ZNF407: variants seen among roughly 807,000 people sequenced by gnomAD.
The protein encoded by ZNF407 is zinc finger protein 407.
ZNF407 carries 17 observed loss-of-function variants against 131.2 expected under a neutral mutation model. The ratio of observed to expected loss-of-function variants is 0.13; its 90% CI spans 0.09 to 0.19. ZNF407 has a LOEUF of 0.19. ZNF407 is among the 10% of genes least tolerant of loss of function. ZNF407 has a pLI of 1.00. For synonymous variants in ZNF407, 1,156 were observed against 1,062.0 expected (o/e 1.09, Z -1.72); for missense variants, 2,681 against 2,830.6 (o/e 0.95, Z 1.20).
chr18:74,844,933 A>G (rs745527108), intron 4 of ZNF407, among the ~76,000 whole-genome samples: 4 of 152,214 alleles, frequency 2.6e-5, no homozygotes, highest in Non-Finnish European at 5.9e-5. Context: ...TAGGCATCCA[A>G]CTAATGATTG....
intron 4 of ZNF407, among the ~76,000 whole-genome samples, chr18:74,840,837 T>A (rs905751262): frequency 6.6e-6 from 1 of 152,230 alleles, no homozygotes; most frequent in African/African-American, 2.4e-5. Context: ...ACTACAATCA[T>A]CTGTTTGAAT....
At chr18:74,922,484 A>T (rs1971859225) in intron 8 of ZNF407, among the ~76,000 whole-genome samples, 1 of 152,166 alleles carries the variant, frequency 6.6e-6, no homozygotes, top group South Asian at 2.1e-4. Context: ...CTTATCTTTA[A>T]AAAAAAGAAG....
chr18:74,928,193 G>A (rs769606299), intron 8 of ZNF407, among the ~76,000 whole-genome samples: 29 of 152,148 alleles, frequency 1.9e-4, no homozygotes, highest in Non-Finnish European at 4.1e-4. Context: ...CATTTGTTCA[G>A]CCCAAAAAGG....
chr18:74,696,937 A>G (rs1265835717), intron 3 of ZNF407, among the ~76,000 whole-genome samples: 1 of 152,210 alleles, frequency 6.6e-6, no homozygotes, highest in East Asian at 1.9e-4. Context: ...ACAAATAAAA[A>G]CACAGTTAGA....
At chr18:74,636,749 C>T (rs890245095) in intron 2 of ZNF407, among the ~76,000 whole-genome samples, 3 of 152,154 alleles carry the variant, frequency 2.0e-5, no homozygotes, top group African/African-American at 7.2e-5. Context: ...ATGGGGCAAC[C>T]TGCATAAGAT....
chr18:75,064,460 G>A lies in ZNF407; in HGVS notation c.6739G>A (p.Glu2247Lys). 3 of 1,486,220 alleles carry A rather than the reference G, an allele frequency of 2.0e-6. No individual in the cohort carries two copies. The highest frequency in any genetic ancestry group is 2.7e-6 in the Non-Finnish European group (3 of 1,115,282). The allele number at this position is 1,486,220 out of a possible 1,614,324, so 92.1% of individuals were successfully genotyped here. The change falls in exon 9 of 9, where the codon GAA becomes AAA. Residue 2247 changes from glutamate to lysine, a missense_variant. Physicochemically the swap from Glu to Lys is moderately conservative, Grantham distance 56 (BLOSUM62 1). Around this residue, in one of 6 missense-constraint regions of ZNF407, gnomAD observed 620 missense variants for 583.1 expected, o/e 1.06. Transcript: ENST00000299687. ...CCAAAGAGAAAGCAGCGAACTCCAG[G>A]AAGCATGAGACGCGCGGCACCTTTA... The part of the protein sequence containing the change: ...QSQRESSELQ[E>K]A
intron 4 of ZNF407, among the ~76,000 whole-genome samples, chr18:74,796,537 G>T (rs1195522467): frequency 6.6e-6 from 1 of 152,154 alleles, no homozygotes; most frequent in East Asian, 1.9e-4. Context: ...CAAAATGGTG[G>T]GGAATGTTCC....
intron 4 of ZNF407, among the ~76,000 whole-genome samples, chr18:74,832,177 TGA>T (rs2145119246): frequency 6.6e-6 from 1 of 152,300 alleles, no homozygotes; most frequent in Admixed American, 6.5e-5. Flanking sequence ...ACGAAGATGT[TGA>T]GGCTCCAAGA....
intron 8 of ZNF407, among the ~76,000 whole-genome samples, chr18:74,996,811 A>T (rs1286815184): frequency 2.6e-5 from 4 of 152,240 alleles, no homozygotes; most frequent in African/African-American, 9.6e-5. Flanking sequence ...AATGAATTGA[A>T]TTGTCTGCCT....
At chr18:74,693,801 ATT>A (rs1228064402) in intron 3 of ZNF407, among the ~76,000 whole-genome samples, 26 of 151,620 alleles carry the variant, frequency 1.7e-4, no homozygotes, top group Middle Eastern at 3.4e-3. Flanking sequence ...ATTTCTTCAG[ATT>A]TTTTTCTGTT....
At chr18:74,719,548 C>T (rs1271949534) in intron 3 of ZNF407, among the ~76,000 whole-genome samples, 1 of 152,116 alleles carries the variant, frequency 6.6e-6, no homozygotes, top group Non-Finnish European at 1.5e-5. Context: ...CACAGGCACC[C>T]GCCACCACGC....
chr18:74,760,477 T>G (rs1568202395), intron 3 of ZNF407, among the ~76,000 whole-genome samples: 1 of 152,210 alleles, frequency 6.6e-6, no homozygotes, highest in Non-Finnish European at 1.5e-5. Flanking sequence ...TTTTTCCTTT[T>G]AAGTTTTTTG....
chr18:74,999,953 T>TATCATGTAATCTTAGAAA (rs1261779273), intron 8 of ZNF407, among the ~76,000 whole-genome samples: 2 of 152,206 alleles, frequency 1.3e-5, no homozygotes, highest in African/African-American at 4.8e-5. Flanking sequence ...ATAAATAGAA[T>TATCATGTAATCTTAGAAA]ATCATGTAAT....
At chr18:74,770,027 A>C (rs1251478811) in intron 3 of ZNF407, among the ~76,000 whole-genome samples, 2 of 152,098 alleles carry the variant, frequency 1.3e-5, no homozygotes, top group Admixed American at 6.6e-5. Context: ...TGGGGGCTTA[A>C]TGGATATGCA....
At chr18:74,641,713 A>G (rs1485893198) in intron 3 of ZNF407, among the ~76,000 whole-genome samples, 4 of 152,198 alleles carry the variant, frequency 2.6e-5, no homozygotes, top group African/African-American at 9.6e-5. Context: ...TTTAACTGTT[A>G]TTCAAATGTG....
chr18:74,757,147 T>C (rs1220292931), intron 3 of ZNF407, among the ~76,000 whole-genome samples: 1 of 152,074 alleles, frequency 6.6e-6, no homozygotes, highest in Admixed American at 6.5e-5. Context: ...TTTGCTTTTC[T>C]AGTTTTAGTT....
rs1453199652 is a variant in ZNF407 at position 75,063,599 on chromosome 18, G to C, written c.5878G>C (p.Gly1960Arg). The C allele has an allele frequency of 4.4e-6, 7 of 1,573,338 alleles. No individual in the cohort carries two copies. The highest frequency in any genetic ancestry group is 6.0e-6 in the Non-Finnish European group (7 of 1,160,970). ...GHGMDESLSP[G>R]GAVIQQVTKQ... is the part of the protein sequence containing the mutation. ...CGGCATGGATGAGTCCCTCAGTCCA[G>C]GTGGCGCTGTGATACAACAGGTGAC... Residue 1960 changes from glycine (G) to arginine (R), a missense_variant, in exon 9 of 9, where the codon GGT becomes CGT. Transcript: ENST00000299687. The surrounding 1 kb of genome is among the most constrained non-coding windows in gnomAD (Gnocchi z 6.6).
intron 8 of ZNF407, among the ~76,000 whole-genome samples, chr18:75,002,761 C>T (rs575996494): frequency 1.1e-4 from 17 of 148,476 alleles, no homozygotes; most frequent in South Asian, 6.4e-4. Context: ...GCCGAGATCG[C>T]GCCACTGCAC....
chr18:74,816,082 C>T (rs1031155274), intron 4 of ZNF407, among the ~76,000 whole-genome samples: 17 of 152,244 alleles, frequency 1.1e-4, no homozygotes, highest in African/African-American at 4.1e-4. Flanking sequence ...ACTGAATGTA[C>T]AGGATACTCT....
Sources: gnomAD v4.1 joint callset for allele counts (sites outside exome capture counted in the v4.1 genomes callset) on GRCh38, gnomAD v4.1.1 for gene constraint, gnomAD v4.1.1 regional missense constraint, Gnocchi (gnomAD v3.1) non-coding constraint, MANE v1.5 for transcripts, NCBI Gene and HGNC (gene_info 2026-07-23, HGNC 2026-07-21) for gene names.